Variants in KIAA1217 observed in about 807,000 individuals in gnomAD.
KIAA1217 encodes the protein sickle tail protein homolog.
A neutral mutation model predicts 163.9 loss-of-function variants in KIAA1217; 88 were observed. That is an observed-to-expected ratio of 0.54 (90% CI 0.45 to 0.64). The LOEUF (loss-of-function observed/expected upper bound fraction) is 0.64, where lower values mean the gene tolerates loss of function less well. Ranked by LOEUF, KIAA1217 falls within the 30% of genes least tolerant of loss-of-function variation. The probability of loss-of-function intolerance (pLI) is 0.00; values close to 1 mark genes in which losing one functional copy is unlikely to be tolerated. For missense variants in KIAA1217, 2,372 were observed against 2,475.0 expected (o/e 0.96, Z 0.88); for synonymous variants, 903 against 923.1 (o/e 0.98, Z 0.39).
At chr10:24,193,748 T>C (rs1052919679) in intron 2 of KIAA1217, among the ~76,000 whole-genome samples, 3 of 151,078 alleles carry the variant, frequency 2.0e-5, no homozygotes, top group African/African-American at 7.3e-5. Context: ...TTAGAGCAGA[T>C]CACAGTACTC....
At chr10:24,209,896 T>A (rs934824622) in intron 1 of KIAA1217, among the ~76,000 whole-genome samples, 1 of 152,214 alleles carries the variant, frequency 6.6e-6, no homozygotes, top group Non-Finnish European at 1.5e-5. Flanking sequence ...ATTGTGTTTA[T>A]AATAGACTTG....
chr10:23,989,831 G>T (rs1846140580), intron 1 of KIAA1217, among the ~76,000 whole-genome samples: 1 of 152,136 alleles, frequency 6.6e-6, no homozygotes, highest in Non-Finnish European at 1.5e-5. Flanking sequence ...TAGGTTTATG[G>T]GAGGCTAATT....
intron 2 of KIAA1217, among the ~76,000 whole-genome samples, chr10:24,359,674 A>G (rs2049685117): frequency 1.3e-5 from 2 of 152,160 alleles, no homozygotes; most frequent in Admixed American, 1.3e-4. Flanking sequence ...TATATTCACT[A>G]TAGGATTACT....
intron 6 of KIAA1217, among the ~76,000 whole-genome samples, chr10:24,483,655 C>G: frequency 6.6e-6 from 1 of 152,080 alleles, no homozygotes; most frequent in East Asian, 1.9e-4. Flanking sequence ...CCATGAGGTC[C>G]ACTCAAGAGA....
intron 1 of KIAA1217, among the ~76,000 whole-genome samples, chr10:23,708,049 A>G (rs1287523393): frequency 6.6e-6 from 1 of 152,166 alleles, no homozygotes; most frequent in African/African-American, 2.4e-5. Flanking sequence ...AGTTTAATGG[A>G]CTTACAGTTC....
At chr10:24,076,606 C>G (rs954395762) in intron 2 of KIAA1217, among the ~76,000 whole-genome samples, 8 of 152,120 alleles carry the variant, frequency 5.3e-5, no homozygotes. Context: ...GAAACCACAG[C>G]TTGGAAAAGA....
At position 24,544,042 on chromosome 10, in the gene KIAA1217, C is replaced by G; in HGVS notation, c.4772C>G (p.Thr1591Ser). The change falls in exon 19 of 21, where the codon ACC becomes AGC. Residue 1591 changes from threonine (T) to serine (S), a missense_variant. Transcript: ENST00000376454. Reference sequence around the variant, plus strand: ...GCCGCTCTCACTCAAGCCATTCGCACCGGAACTAAAACAGGGAAGAAGACT... The same window carrying G: ...GCCGCTCTCACTCAAGCCATTCGCAGCGGAACTAAAACAGGGAAGAAGACT... ...QLAALTQAIR[T>S]GTKTGKKTLQ... is the part of the protein sequence containing the mutation. 6.2e-7 allele frequency: 1 copy of G among 1,614,094 alleles called. No homozygotes were observed. The highest frequency in any genetic ancestry group is 8.5e-7 in the Non-Finnish European group (1 of 1,180,030).
intron 1 of KIAA1217, among the ~76,000 whole-genome samples, chr10:23,797,812 G>A (rs190650807): frequency 4.7e-4 from 71 of 152,206 alleles, no homozygotes; most frequent in African/African-American, 1.7e-3. Context: ...GATTTGGATG[G>A]GGACACAGAG....
chr10:24,368,098 A>T (rs1318704056), intron 2 of KIAA1217, among the ~76,000 whole-genome samples: 1 of 152,184 alleles, frequency 6.6e-6, no homozygotes, highest in Non-Finnish European at 1.5e-5. Context: ...TTTAGACACT[A>T]AAGAGAATTT....
intron 1 of KIAA1217, among the ~76,000 whole-genome samples, chr10:23,712,047 T>A (rs150641113): frequency 6.6e-6 from 1 of 152,104 alleles, no homozygotes; most frequent in African/African-American, 2.4e-5. Context: ...CCAAATCTCA[T>A]GTGAGACATT....
chr10:24,301,789 A>T (rs760392198), intron 2 of KIAA1217, among the ~76,000 whole-genome samples: 2 of 152,238 alleles, frequency 1.3e-5, no homozygotes, highest in Non-Finnish European at 2.9e-5. Context: ...TCATGCCTAA[A>T]ATCCCAGCAC....
chr10:24,516,016 A>G (rs2070083318), intron 10 of KIAA1217, among the ~76,000 whole-genome samples: 1 of 152,240 alleles, frequency 6.6e-6, no homozygotes, highest in Non-Finnish European at 1.5e-5. Context: ...AGCTGCAGTG[A>G]GCTATGACTG....
rs914717211 is a variant in KIAA1217, at chr10:24,016,944, G to A, written c.-171+9570G>A. 4.0e-5 allele frequency among the ~76,000 whole-genome samples: 6 copies of A among 151,378 alleles called. No individual in the cohort carries two copies. In the South Asian group the frequency reaches 1.0e-3, roughly 26 times the overall value. ...ATTTTATTTGCTTGAATCTTCTATTGCTGGTAGCATTATAGACTTACCCAT... is the reference window on the plus strand; with the variant it reads ...ATTTTATTTGCTTGAATCTTCTATTACTGGTAGCATTATAGACTTACCCAT... On this transcript the variant is annotated intron_variant, in intron 2 of 18. Coordinates refer to the KIAA1217 transcript ENST00000376462.
chr10:24,203,010 T>G (rs1401435931), intron 2 of KIAA1217, among the ~76,000 whole-genome samples: 1 of 151,984 alleles, frequency 6.6e-6, no homozygotes, highest in Admixed American at 6.6e-5. Context: ...AGCAACATAG[T>G]GAGACCTAAT....
intron 4 of KIAA1217, among the ~76,000 whole-genome samples, chr10:24,437,925 A>AAAAAAAG (rs2060194159): frequency 6.9e-6 from 1 of 145,584 alleles, no homozygotes; most frequent in Non-Finnish European, 1.5e-5. Context: ...AAAAAAAAAA[A>AAAAAAAG]GAAAAAGAAA....
chr10:24,472,873 T>C (rs1419009726), intron 5 of KIAA1217, among the ~76,000 whole-genome samples: 2 of 152,136 alleles, frequency 1.3e-5, no homozygotes, highest in Non-Finnish European at 2.9e-5. Context: ...TTCCAGCTTC[T>C]AGCAGCTGCC....
chr10:23,964,391 T>C (rs1844962759), intron 1 of KIAA1217, among the ~76,000 whole-genome samples: 1 of 152,008 alleles, frequency 6.6e-6, no homozygotes. Context: ...TCCCATTCTG[T>C]ATGTTGCGTG....
intron 1 of KIAA1217, among the ~76,000 whole-genome samples, chr10:23,859,976 C>G (rs1172899419): frequency 1.3e-5 from 2 of 151,996 alleles, no homozygotes; most frequent in Admixed American, 1.3e-4. Flanking sequence ...TTGTCATATG[C>G]TCATTTGAGT....
chr10:24,154,696 G>A (rs1040649030), intron 2 of KIAA1217, among the ~76,000 whole-genome samples: 1 of 152,166 alleles, frequency 6.6e-6, no homozygotes, highest in Non-Finnish European at 1.5e-5. Context: ...CCAACATGGT[G>A]AAATCCTGTC....
Sources: allele counts gnomAD v4.1 joint callset (sites outside exome capture counted in the v4.1 genomes callset), GRCh38; gene constraint gnomAD v4.1.1; transcripts MANE v1.5; gene names NCBI Gene and HGNC (gene_info 2026-07-23, HGNC 2026-07-21).